Variants in SPEN observed in about 807,000 individuals in gnomAD.
The protein encoded by SPEN is msx2-interacting protein.
In SPEN, 18 loss-of-function variants were observed where a neutral mutation model predicts 269.9. That is an observed-to-expected ratio of 0.07 (90% CI 0.05 to 0.10). The LOEUF (loss-of-function observed/expected upper bound fraction) is 0.10. SPEN is among the 10% of genes least tolerant of loss of function. The pLI is 1.00. For missense variants in SPEN, 3,822 were observed against 4,631.2 expected, an observed-to-expected ratio of 0.83 and a Z score of 5.07; for synonymous variants, 1,726 against 1,765.7, an observed-to-expected ratio of 0.98 and a Z score of 0.56.
At chr1:15,851,013 A>G (rs748746818) in intron 1 of SPEN, among the ~76,000 whole-genome samples, 63 of 152,216 alleles carry the variant, frequency 4.1e-4, no homozygotes, top group Admixed American at 6.5e-4. Flanking sequence ...AGGCTTTTGT[A>G]GTAAGTGTTT....
At chr1:15,909,578 A>G in intron 4 of SPEN, 97 bp downstream of exon 4, 1 of 1,253,620 alleles carries the variant, frequency 8.0e-7, no homozygotes, top group African/African-American at 1.5e-5. Context: ...ATAAAATTAT[A>G]ATGGAAAACC....
rs1429639620 is a variant in SPEN, at chr1:15,932,432, G to A, written c.6192G>A (p.Glu2064=). Residue 2064 remains glutamate, a synonymous_variant, in exon 11 of 15, where the codon GAG becomes GAA. Transcript: ENST00000375759. This position sits in a 1 kb window ranked among gnomAD's most constrained non-coding sequence, Gnocchi z 4.2. ...AAACCGCCCCTGTTGAAGTTGTAGAGAAAAAACCGGCCCCTGAAAAAAACT... is the reference window on the plus strand; with the variant it reads ...AAACCGCCCCTGTTGAAGTTGTAGAAAAAAAACCGGCCCCTGAAAAAAACT... ...PPETAPVEVV[E]KKPAPEKNSK... The A allele has an allele frequency of 1.2e-6, 2 of 1,613,494 alleles. No individual in the cohort carries two copies. Among genetic ancestry groups the A allele is most frequent in the Admixed American group, 1.7e-5 (1 of 59,858 alleles).
chr1:15,932,486 C>G lies in SPEN; in HGVS notation c.6246C>G (p.Asn2082Lys). 6.2e-7 allele frequency: 1 copy of G among 1,611,080 alleles called. No homozygotes were observed. The highest frequency in any genetic ancestry group is 8.5e-7 in the Non-Finnish European group (1 of 1,178,838). Reference sequence around the variant, plus strand: ...AATCAAAGAGAGGAAGATCTCGAAACTCCAGGTTAGCAGTGGACAAATCTG... The same window carrying G: ...AATCAAAGAGAGGAAGATCTCGAAAGTCCAGGTTAGCAGTGGACAAATCTG... ...NSKSKRGRSRNSRLAVDKSAS... is the reference protein window; with the variant it reads ...NSKSKRGRSRKSRLAVDKSAS... Residue 2082 changes from asparagine (N) to lysine (K), a missense_variant, in exon 11 of 15, where the codon AAC (asparagine) becomes AAG (lysine). Around this residue, in one of 16 missense-constraint regions of SPEN, gnomAD observed 727 missense variants for 737.9 expected, o/e 0.99. Transcript: ENST00000375759. The surrounding 1 kb of genome is among the most constrained non-coding windows in gnomAD (Gnocchi z 4.2).
intron 3 of SPEN, among the ~76,000 whole-genome samples, chr1:15,889,326 C>T (rs1056103781): frequency 6.6e-6 from 1 of 151,986 alleles, no homozygotes; most frequent in African/African-American, 2.4e-5. Context: ...CCACCACGCC[C>T]AACTAATTTT....
In SPEN at chr1:15,923,240, C is replaced by T. The variant is rs546119588; in HGVS notation, c.1850+891C>T. Among the ~76,000 whole-genome samples, 93 of 152,272 alleles carry T rather than the reference C, an allele frequency of 6.1e-4. No homozygotes were observed. In the Middle Eastern group the frequency reaches 0.01, roughly 17 times the overall value. The stretch of plus-strand genomic sequence containing the variant: ...ATTTCCTCTTGTTAATACTTTCAGT[C>T]ATGGTTATGTAGTATTTAATATTTT... On this transcript the variant is annotated intron_variant, in intron 10 of 14. Transcript: ENST00000375759.
chr1:15,873,583 AGT>A (rs1384630780), intron 2 of SPEN: 2 of 996,042 alleles, frequency 2.0e-6, no homozygotes, highest in East Asian at 2.1e-4. Flanking sequence ...CACTACATAA[AGT>A]GTACAAACAA....
chr1:15,889,438 T>C (rs1570010163), intron 3 of SPEN, among the ~76,000 whole-genome samples: 2 of 152,234 alleles, frequency 1.3e-5, no homozygotes, highest in East Asian at 3.9e-4. Flanking sequence ...AGTGCTGGGA[T>C]TACAGGCATG....
At chr1:15,889,158 T>C (rs1176087931) in intron 3 of SPEN, among the ~76,000 whole-genome samples, 1 of 109,414 alleles carries the variant, frequency 9.1e-6, no homozygotes, top group East Asian at 2.1e-4. Flanking sequence ...TTCTTTCTTT[T>C]CTTTTCTTTT....
At chr1:15,877,121 C>T (rs1428700464) in intron 3 of SPEN, among the ~76,000 whole-genome samples, 3 of 152,106 alleles carry the variant, frequency 2.0e-5, no homozygotes, top group African/African-American at 7.2e-5. Flanking sequence ...TTATCAATGA[C>T]TAGATCAACT....
Position 15,909,237 on chromosome 1 carries a change from A to G in SPEN, c.882-84A>G. On this transcript the variant is annotated intron_variant, in intron 3 of 14. Coordinates refer to ENST00000375759, the MANE Select transcript of SPEN (RefSeq NM_015001.3). Reference sequence around the variant, plus strand: ...AATTCCAGTCTGAAAATTTAGACCTATTAGTTATTTTAAGAAGTTTTCTAA... The same window carrying G: ...AATTCCAGTCTGAAAATTTAGACCTGTTAGTTATTTTAAGAAGTTTTCTAA... 16 of 1,439,672 alleles carry G rather than the reference A, an allele frequency of 1.1e-5. No homozygotes were observed. In the South Asian group the frequency reaches 1.9e-4, roughly 17 times the overall value. The allele number at this position is 1,439,672 out of a possible 1,614,324, so 89.2% of individuals were successfully genotyped here. A position where few individuals can be genotyped will look rare whatever the true frequency, so the allele number is the denominator to read the frequency against.
At chr1:15,914,622 A>G (rs536870554) in intron 5 of SPEN, among the ~76,000 whole-genome samples, 1 of 152,250 alleles carries the variant, frequency 6.6e-6, no homozygotes, top group South Asian at 2.1e-4. Context: ...CAGGAGTTCG[A>G]GAGTAGCCTG....
At position 15,929,900 on chromosome 1, in the gene SPEN, TGACTCTCCTCCTA is replaced by T; in HGVS notation, c.3662_3674del (p.Asp1221AlafsTer52). On this transcript the variant is annotated frameshift_variant, in exon 11 of 15. Transcript: ENST00000375759. LOFTEE classifies it high-confidence loss of function. This position sits in a 1 kb window ranked among gnomAD's most constrained non-coding sequence, Gnocchi z 5.8. Reference sequence around the variant, plus strand: ...GCAAACCCCCTCAAGATGTCACTGATGACTCTCCTCCTAGCAAAAAGAAAAGGATGGATCATGT... The same window carrying T: ...GCAAACCCCCTCAAGATGTCACTGATGCAAAAAGAAAAGGATGGATCATGT... 1 of 1,614,194 alleles carries T rather than the reference TGACTCTCCTCCTA, an allele frequency of 6.2e-7. No homozygotes were observed. The highest frequency in any genetic ancestry group is 1.7e-5 in the Admixed American group (1 of 60,032).
chr1:15,911,480 A>C (rs1259000906), intron 5 of SPEN, among the ~76,000 whole-genome samples, 179 bp downstream of exon 5: 1 of 152,190 alleles, frequency 6.6e-6, no homozygotes, highest in Non-Finnish European at 1.5e-5. Flanking sequence ...TTAATAAAAA[A>C]CATTGTTTTG....
chr1:15,931,560 G>T lies in SPEN; in HGVS notation c.5320G>T (p.Ala1774Ser). The T allele has an allele frequency of 1.2e-6, 2 of 1,614,132 alleles. No individual in the cohort carries two copies. The highest frequency in any genetic ancestry group is 8.5e-7 in the Non-Finnish European group (1 of 1,180,030). Reference protein sequence around the residue: ...QKSEEANEPKAEKPDATADAE... With the variant: ...QKSEEANEPKSEKPDATADAE... ...GTCTGAGGAAGCCAATGAGCCAAAG[G>T]CCGAAAAGCCAGACGCCACTGCAGA... is the stretch of plus-strand genomic sequence containing the variant. The change falls in exon 11 of 15, where the codon GCC (alanine) becomes TCC (serine). Residue 1774 changes from alanine to serine, a missense_variant. By Grantham distance (99) the Ala-to-Ser change is moderately conservative. Transcript: ENST00000375759. This position sits in a 1 kb window ranked among gnomAD's most constrained non-coding sequence, Gnocchi z 4.8.
At chr1:15,861,789 C>G (rs1036516626) in intron 1 of SPEN, among the ~76,000 whole-genome samples, 2 of 152,092 alleles carry the variant, frequency 1.3e-5, no homozygotes, top group African/African-American at 2.4e-5. Flanking sequence ...CTCCTGTAAT[C>G]CCAGCACTTT....
chr1:15,854,035 G>A (rs891246374), intron 1 of SPEN, among the ~76,000 whole-genome samples: 10 of 151,382 alleles, frequency 6.6e-5, no homozygotes, highest in African/African-American at 1.7e-4. Context: ...TCCTGACCTC[G>A]AGTGATCTGC....
intron 3 of SPEN, among the ~76,000 whole-genome samples, chr1:15,895,080 G>A (rs557881878): frequency 1.3e-5 from 2 of 151,938 alleles, no homozygotes; most frequent in South Asian, 4.2e-4. Context: ...GTGCCACCAC[G>A]CCTGGCTAAT....
rs1385938876 is a variant in SPEN at position 15,935,707 on chromosome 1, C to T, written c.9467C>T (p.Pro3156Leu). The change falls in exon 11 of 15, where the codon CCC (proline) becomes CTC (leucine). Residue 3156 changes from proline (P) to leucine (L), a missense_variant. Transcript: ENST00000375759. This position sits in a 1 kb window ranked among gnomAD's most constrained non-coding sequence, Gnocchi z 7.7. ...GVPALASQHP[P>L]EEEVHYHLPV... is the part of the protein sequence containing the mutation. Reference sequence around the variant, plus strand: ...CCTGCACTGGCCTCCCAGCACCCTCCCGAGGAGGAAGTGCATTATCACCTT... The same window carrying T: ...CCTGCACTGGCCTCCCAGCACCCTCTCGAGGAGGAAGTGCATTATCACCTT... The T allele has an allele frequency of 6.2e-7, 1 of 1,613,458 alleles. No homozygotes were observed. Among genetic ancestry groups the T allele is most frequent in the African/African-American group, 1.3e-5 (1 of 75,022 alleles).
chr1:15,877,448 T>C (rs1286413610), intron 3 of SPEN, among the ~76,000 whole-genome samples: 1 of 152,150 alleles, frequency 6.6e-6, no homozygotes, highest in Non-Finnish European at 1.5e-5. Context: ...TTGTATTTAG[T>C]AAAGATGAGG....
Sources: allele counts gnomAD v4.1 joint callset (sites outside exome capture counted in the v4.1 genomes callset), GRCh38; gene constraint gnomAD v4.1.1; regional missense constraint gnomAD v4.1.1; non-coding constraint Gnocchi (gnomAD v3.1); transcripts MANE v1.5; gene names NCBI Gene and HGNC (gene_info 2026-07-23, HGNC 2026-07-21).